Variants in PTPRG observed in about 807,000 individuals in gnomAD.
PTPRG encodes receptor-type tyrosine-protein phosphatase gamma.
PTPRG carries 102 observed loss-of-function variants against 165.3 expected under a neutral mutation model. The observed-to-expected ratio is 0.62, with a 90% CI of 0.53 to 0.73. The LOEUF (loss-of-function observed/expected upper bound fraction) is 0.73, where lower values mean the gene tolerates loss of function less well. Among genes scored for constraint, PTPRG ranks in the 30% least tolerant of loss-of-function variants. The pLI is 0.00. For synonymous variants in PTPRG, 675 were observed against 669.5 expected (o/e 1.01, Z -0.13); for missense variants, 1,866 against 1,861.4 (o/e 1.00, Z -0.05).
At chr3:62,074,510 G>T (rs1701320378) in intron 4 of PTPRG, among the ~76,000 whole-genome samples, 2 of 151,510 alleles carry the variant, frequency 1.3e-5, no homozygotes, top group African/African-American at 4.9e-5. Flanking sequence ...CACCACTCCT[G>T]GCTAATTTTT....
At chr3:62,281,415 T>C in intron 26 of PTPRG, 148 bp from the exon 27 acceptor site, 1 of 628,518 alleles carries the variant, frequency 1.6e-6, no homozygotes, top group Non-Finnish European at 2.6e-6. Context: ...TTCAACTTGG[T>C]GTAGTTCGAT....
chr3:61,656,082 A>G lies in PTPRG; in HGVS notation c.86-92796A>G, dbSNP rs542947049. ...ATCTCTAAAGAAAATAAAATGAAAA[A>G]ATAAGCTGGGCATAGTGGTGAGCTC... On this transcript the variant is annotated intron_variant, in intron 1 of 29. Transcript: ENST00000474889. 6.1e-5 allele frequency among the ~76,000 whole-genome samples: 9 copies of G among 147,998 alleles called. 1 individual carries two copies. The highest frequency in any genetic ancestry group is 6.0e-4 in the Admixed American group (9 of 14,918).
chr3:62,117,884 T>A (rs888395190), intron 5 of PTPRG, among the ~76,000 whole-genome samples: 6 of 152,236 alleles, frequency 3.9e-5, no homozygotes, highest in African/African-American at 1.4e-4. Flanking sequence ...ATTTGTTGAA[T>A]GTATGAATTA....
chr3:61,690,311 C>G lies in PTPRG; in HGVS notation c.86-58567C>G, dbSNP rs146494102. On this transcript the variant is annotated intron_variant, in intron 1 of 29. Transcript: ENST00000474889. ...AGCAAGTGTGAGATGGCAAAGACCC[C>G]CTAAGGAACAGCATCAGATCCCTTT... Among the ~76,000 whole-genome samples the G allele has an allele frequency of 1.1e-3, 163 of 152,284 alleles. No individual in the cohort carries two copies. In the East Asian group the frequency reaches 0.021, roughly 20 times the overall value.
chr3:61,917,277 T>A (rs2038964433), intron 2 of PTPRG, among the ~76,000 whole-genome samples: 1 of 152,230 alleles, frequency 6.6e-6, no homozygotes, highest in Non-Finnish European at 1.5e-5. Context: ...TCAGGCTGAA[T>A]AATTCGCAGC....
intron 2 of PTPRG, among the ~76,000 whole-genome samples, chr3:61,797,370 TG>T (rs1559617179): frequency 6.6e-6 from 1 of 152,202 alleles, no homozygotes; most frequent in African/African-American, 2.4e-5. Context: ...AAATCATTGG[TG>T]TCTGACTTCA....
intron 2 of PTPRG, among the ~76,000 whole-genome samples, chr3:61,787,465 T>C (rs772169414): frequency 7.2e-5 from 11 of 152,232 alleles, no homozygotes; most frequent in African/African-American, 2.7e-4. Context: ...GGTTATCTCA[T>C]TGGCATCTGA....
In PTPRG at chr3:62,295,587, G is replaced by C. The variant is rs1009891194; in HGVS notation, c.*2280G>C. On this transcript the variant is annotated 3_prime_UTR_variant, in exon 30 of 30. Transcript: ENST00000474889. ...GTGGCTGTCCCTTACAGTGGTTTCA[G>C]AATCACGAAAAAACAGCTAGTAAAT... The C allele has an allele frequency of 2.6e-5, 4 of 152,006 alleles. No individual in the cohort carries two copies. Among genetic ancestry groups the C allele is most frequent in the Non-Finnish European group, 4.4e-5 (3 of 67,976 alleles). 9.4% of individuals were successfully genotyped at this position (152,006 alleles called of 1,614,324 possible).
chr3:62,006,160 T>A (rs2041293993), intron 4 of PTPRG, among the ~76,000 whole-genome samples: 2 of 152,196 alleles, frequency 1.3e-5, no homozygotes, highest in Non-Finnish European at 2.9e-5. Context: ...TTCTTTTAAG[T>A]AATGTCAGAT....
At chr3:61,889,065 C>T (rs1291345495) in intron 2 of PTPRG, among the ~76,000 whole-genome samples, 1 of 152,132 alleles carries the variant, frequency 6.6e-6, no homozygotes, top group East Asian at 1.9e-4. Context: ...AATGTTTTCT[C>T]AAGTTAAAGT....
intron 17 of PTPRG, among the ~76,000 whole-genome samples, chr3:62,265,429 T>C (rs1017356915): frequency 6.6e-6 from 1 of 152,202 alleles, no homozygotes; most frequent in African/African-American, 2.4e-5. Context: ...GATTGCTCAT[T>C]GCTAGTTTAT....
At chr3:61,830,566 G>GTTTT (rs57644199) in intron 2 of PTPRG, among the ~76,000 whole-genome samples, 14 of 86,516 alleles carry the variant, frequency 1.6e-4, no homozygotes, top group East Asian at 3.3e-4. Flanking sequence ...TTTTGTTTTT[G>GTTTT]TTTTTTTTTT....
In PTPRG at chr3:61,735,529, G is replaced by GTT. The variant is rs11352504; in HGVS notation, c.86-13334_86-13333dup. On this transcript the variant is annotated intron_variant, in intron 1 of 29. Transcript: ENST00000474889. ...GGCAATACTAACCCCAATTCCTTGA[G>GTT]TTTTTTTTTTTTTTTTCTTTGAAAT... 1.0e-4 allele frequency among the ~76,000 whole-genome samples: 15 copies of GTT among 143,198 alleles called. No individual in the cohort carries two copies. In the South Asian group the frequency reaches 1.3e-3, roughly 13 times the overall value. The allele number at this position is 143,198 out of a possible 152,430, so 93.9% of individuals were successfully genotyped here. A position where few individuals can be genotyped will look rare whatever the true frequency, so the allele number is the denominator to read the frequency against.
chr3:61,884,593 G>T (rs938022831), intron 2 of PTPRG, among the ~76,000 whole-genome samples: 3 of 152,196 alleles, frequency 2.0e-5, no homozygotes, highest in African/African-American at 7.2e-5. Context: ...GTAGGATGTT[G>T]TCCTTGGTGG....
intron 6 of PTPRG, among the ~76,000 whole-genome samples, chr3:62,133,014 T>C (rs1703573587): frequency 6.6e-6 from 1 of 152,234 alleles, no homozygotes. Flanking sequence ...CACCTATAAA[T>C]GTTTGGTTTG....
chr3:62,198,823 G>A (rs1278596397), intron 10 of PTPRG, among the ~76,000 whole-genome samples: 5 of 152,232 alleles, frequency 3.3e-5, no homozygotes, highest in African/African-American at 1.2e-4. Flanking sequence ...AGACAAAGCT[G>A]CAGGTCCTGC....
In PTPRG at chr3:61,933,741, A is replaced by G. The variant is rs2107589761; in HGVS notation, c.191-55884A>G. On this transcript the variant is annotated intron_variant, in intron 2 of 29. Coordinates refer to ENST00000474889, the MANE Select transcript of PTPRG (RefSeq NM_002841.4). ...CTCTCCATTTTCTAGAGTGTTTTTT[A>G]GATACTGTATCTCACCAGTAGCCAT... 1.3e-5 allele frequency among the ~76,000 whole-genome samples: 2 copies of G among 152,226 alleles called. 1 individual carries two copies. Among genetic ancestry groups the G allele is most frequent in the Middle Eastern group, 6.8e-3 (2 of 294 alleles).
chr3:61,678,218 CTG>C (rs1703305528), intron 1 of PTPRG, among the ~76,000 whole-genome samples: 1 of 152,158 alleles, frequency 6.6e-6, no homozygotes, highest in Non-Finnish European at 1.5e-5. Flanking sequence ...TGGAAAATGA[CTG>C]TCGTTCTAAA....
intron 1 of PTPRG, among the ~76,000 whole-genome samples, chr3:61,679,971 C>T (rs1388796848): frequency 2.0e-5 from 3 of 152,132 alleles, no homozygotes. Flanking sequence ...GCTACTGGAA[C>T]ATTTTCTCTT....
Sources: allele counts gnomAD v4.1 joint callset (sites outside exome capture counted in the v4.1 genomes callset), GRCh38; gene constraint gnomAD v4.1.1; transcripts MANE v1.5; gene names NCBI Gene and HGNC (gene_info 2026-07-23, HGNC 2026-07-21).